Variants in NUP160 observed in about 807,000 individuals in gnomAD.
NUP160 encodes nuclear pore complex protein Nup160.
In NUP160, 94 loss-of-function variants were observed where a neutral mutation model predicts 196.9. The observed-to-expected ratio is 0.48, with a 90% confidence interval of 0.40 to 0.57. The LOEUF (loss-of-function observed/expected upper bound fraction) is 0.57. Ranked by LOEUF, NUP160 falls within the 20% of genes least tolerant of loss-of-function variation. The pLI is 0.00. For missense variants in NUP160, 1,638 were observed against 1,748.3 expected (o/e 0.94, Z 1.13); for synonymous variants, 605 against 619.7 (o/e 0.98, Z 0.35).
intron 32 of NUP160, 40 bp from the exon 33 acceptor site, chr11:47,785,103 T>TTTTGTTTTTTTTTTTTTTG: frequency 9.2e-7 from 1 of 1,086,546 alleles, no homozygotes. Flanking sequence ...TTCAGATTCT[T>TTTTGTTTTTTTTTTTTTTG]AATAGCTATT....
chr11:47,818,524 T>C (rs1851784714), intron 10 of NUP160, among the ~76,000 whole-genome samples: 1 of 150,716 alleles, frequency 6.6e-6, no homozygotes, highest in Non-Finnish European at 1.5e-5. Context: ...GAACCAGTAA[T>C]AATAGGTATT....
chr11:47,840,238 C>A, intron 3 of NUP160, 140 bp downstream of exon 3: 1 of 848,228 alleles, frequency 1.2e-6, no homozygotes, highest in Non-Finnish European at 2.0e-6. Flanking sequence ...TCATTTTAAG[C>A]GGTAGCTATC....
chr11:47,812,147 C>T (rs763770861), exon 17 of NUP160: 3 of 1,614,086 alleles, frequency 1.9e-6, no homozygotes, highest in Non-Finnish European at 2.5e-6. Flanking sequence ...ATTTTATGCA[C>T]CCCTCTGCAC....
intron 20 of NUP160, among the ~76,000 whole-genome samples, chr11:47,805,646 C>T (rs2097677083): frequency 6.6e-6 from 1 of 151,414 alleles, no homozygotes; most frequent in Admixed American, 6.6e-5. Context: ...CAGGGTTTCA[C>T]CGTGTTGTCC....
At chr11:47,802,849 C>G (rs2097675035) in intron 22 of NUP160, among the ~76,000 whole-genome samples, 1 of 151,658 alleles carries the variant, frequency 6.6e-6, no homozygotes, top group Non-Finnish European at 1.5e-5. Flanking sequence ...GTGGCTCACG[C>G]CTGTAGCCTC....
intron 27 of NUP160, 152 bp downstream of exon 27, chr11:47,797,627 G>C (rs78155755): frequency 0.011 from 6,735 of 608,608 alleles, 51 homozygotes; most frequent in Non-Finnish European, 0.016. Flanking sequence ...GGAAGCAAGG[G>C]CCTATCTTCA....
intron 27 of NUP160, among the ~76,000 whole-genome samples, chr11:47,797,139 T>C (rs2097671322): frequency 1.2e-5 from 1 of 81,782 alleles, no homozygotes; most frequent in Non-Finnish European, 2.5e-5. Context: ...CTCTAAGAAC[T>C]GAAATGTGGA....
chr11:47,784,730 TG>T, intron 33 of NUP160, 191 bp downstream of exon 33: 1 of 373,060 alleles, frequency 2.7e-6, no homozygotes. Flanking sequence ...TAAATAGAGA[TG>T]GGGTCTCCCT....
intron 2 of NUP160, chr11:47,841,497 T>G (rs1852296524): frequency 2.5e-6 from 1 of 403,350 alleles, no homozygotes; most frequent in African/African-American, 2.1e-5. Flanking sequence ...AAGCTCTAGA[T>G]TGGGTCATGC....
At chr11:47,826,569 C>G (rs894579100) in intron 7 of NUP160, among the ~76,000 whole-genome samples, 3 of 150,730 alleles carry the variant, frequency 2.0e-5, no homozygotes, top group African/African-American at 4.9e-5. Context: ...ATCCCCCCCC[C>G]CTTTTTTTTT....
chr11:47,804,652 G>A, intron 20 of NUP160, 34 bp from the exon 21 acceptor site: 1 of 1,424,340 alleles, frequency 7.0e-7, no homozygotes, highest in Non-Finnish European at 9.4e-7. Flanking sequence ...CTTAATTTTT[G>A]TTGGCAAATC....
chr11:47,784,324 G>T (rs1418789925), intron 33 of NUP160, among the ~76,000 whole-genome samples: 1 of 152,198 alleles, frequency 6.6e-6, no homozygotes, highest in Non-Finnish European at 1.5e-5. Context: ...TTTAATAGGT[G>T]AAACAGTGGG....
At chr11:47,816,570 T>C (rs936743284) in intron 11 of NUP160, among the ~76,000 whole-genome samples, 3 of 150,636 alleles carry the variant, frequency 2.0e-5, no homozygotes, top group Non-Finnish European at 4.4e-5. Flanking sequence ...AGGCCAGGAG[T>C]TCGAGACAAG....
intron 27 of NUP160, among the ~76,000 whole-genome samples, chr11:47,793,601 G>C (rs984846615): frequency 1.3e-5 from 2 of 151,856 alleles, no homozygotes; most frequent in African/African-American, 4.8e-5. Context: ...CTACACCCAT[G>C]TTCATAGCAG....
chr11:47,784,945 T>C (rs765589083), exon 33 of NUP160: 2 of 1,599,778 alleles, frequency 1.3e-6, no homozygotes, highest in South Asian at 1.1e-5. Context: ...ATAAGCCAAT[T>C]AGGCAGAGGC....
rs1007030121 is a variant in NUP160 at position 47,812,294 on chromosome 11, T to C, written c.2080+8A>G. 1.9e-6 allele frequency: 3 copies of C among 1,613,892 alleles called. No individual in the cohort carries two copies. The highest frequency in any genetic ancestry group is 2.5e-6 in the Non-Finnish European group (3 of 1,179,976). On this transcript the variant is annotated splice_region_variant and intron_variant, in intron 16 of 35. Transcript: ENST00000378460. ...TCAAAGAGGCACATTTGTTGTTCTG[T>C]CATTTACCTGGATTGAATCCCTTTT...
Position 47,825,307 on chromosome 11 carries a change from G to A in NUP160, c.1102-3143C>T, listed in dbSNP as rs1196631518. Among the ~76,000 whole-genome samples the A allele has an allele frequency of 5.3e-5, 8 of 151,406 alleles. No individual in the cohort carries two copies. The East Asian group carries it at 1.2e-3, about 22-fold the overall frequency. ...TAAATAACTTTTTTTTTTTGGAGACGAGTCTCGCTCTATTGCCTAGGTTGA... is the reference window on the plus strand; with the variant it reads ...TAAATAACTTTTTTTTTTTGGAGACAAGTCTCGCTCTATTGCCTAGGTTGA... On this transcript the variant is annotated intron_variant, in intron 7 of 35. Transcript: ENST00000378460.
chr11:47,831,304 G>A (rs1411729810), intron 7 of NUP160, among the ~76,000 whole-genome samples: 1 of 152,096 alleles, frequency 6.6e-6, no homozygotes, highest in Non-Finnish European at 1.5e-5. Context: ...AAACCATAAT[G>A]AGATAATACT....
chr11:47,787,284 C>T (rs10838766), intron 31 of NUP160, among the ~76,000 whole-genome samples: 38 of 151,738 alleles, frequency 2.5e-4, no homozygotes, highest in Admixed American at 3.9e-4. Context: ...GATGGGGTTT[C>T]GTCATGTTGG....
Sources: gnomAD v4.1 joint callset for allele counts (sites outside exome capture counted in the v4.1 genomes callset) on GRCh38, gnomAD v4.1.1 for gene constraint, MANE v1.5 for transcripts, NCBI Gene and HGNC (gene_info 2026-07-23, HGNC 2026-07-21) for gene names.